Variants in IL1RAPL2 observed in about 807,000 individuals in gnomAD.
The protein encoded by IL1RAPL2 is X-linked interleukin-1 receptor accessory protein-like 2.
In IL1RAPL2, 3 loss-of-function variants were observed where a neutral mutation model predicts 44.1. That is an observed-to-expected ratio of 0.07 (90% CI 0.03 to 0.18). IL1RAPL2 has a LOEUF of 0.18. IL1RAPL2 is among the 10% of genes least tolerant of loss of function. The pLI is 1.00. For missense variants in IL1RAPL2, 391 were observed against 496.4 expected (o/e 0.79, Z 2.02); for synonymous variants, 181 against 178.8 (o/e 1.01, Z -0.10).
intron 5 of IL1RAPL2, among the ~76,000 whole-genome samples, chrX:105,410,065 G>A (rs1046057211): frequency 1.5e-4 from 16 of 110,297 alleles, no homozygotes; most frequent in South Asian, 3.9e-4. Flanking sequence ...TTAAGATAGC[G>A]GAAGACTTGA....
intron 2 of IL1RAPL2, among the ~76,000 whole-genome samples, chrX:105,162,448 A>T (rs1349275589): frequency 8.9e-6 from 1 of 112,386 alleles, no homozygotes; most frequent in South Asian, 3.7e-4. Context: ...CATGTTATGT[A>T]TAGTGGCCAC....
intron 2 of IL1RAPL2, 56 bp downstream of exon 2, chrX:104,659,051 C>T: frequency 2.4e-6 from 2 of 823,512 alleles, no homozygotes; most frequent in Non-Finnish European, 3.6e-6. Flanking sequence ...TTTGTGAGCA[C>T]CCAGAGGGCA....
chrX:105,228,783 G>C (rs1439495881), intron 3 of IL1RAPL2, among the ~76,000 whole-genome samples: 2 of 111,742 alleles, frequency 1.8e-5, no homozygotes, highest in Non-Finnish European at 3.8e-5. Flanking sequence ...GAGTATCCAG[G>C]GGCTAGCAGC....
intron 6 of IL1RAPL2, among the ~76,000 whole-genome samples, chrX:105,688,926 A>AT: frequency 9.0e-6 from 1 of 111,594 alleles, no homozygotes; most frequent in Non-Finnish European, 1.9e-5. Flanking sequence ...TCACACATCT[A>AT]TAACAATCTG....
intron 5 of IL1RAPL2, among the ~76,000 whole-genome samples, chrX:105,481,994 CATTT>C (rs1020301352): frequency 1.2e-4 from 13 of 112,201 alleles, no homozygotes; most frequent in Admixed American, 1.9e-4. Flanking sequence ...CATATACAAA[CATTT>C]ATATATGCAT....
intron 2 of IL1RAPL2, among the ~76,000 whole-genome samples, chrX:104,891,086 T>C (rs1353247130): frequency 8.9e-6 from 1 of 111,744 alleles, no homozygotes; most frequent in Non-Finnish European, 1.9e-5. Context: ...TTTTGTCAGG[T>C]TTGTCAAAGA....
At chrX:104,577,677 G>A (rs1462186587) in intron 1 of IL1RAPL2, among the ~76,000 whole-genome samples, 1 of 110,825 alleles carries the variant, frequency 9.0e-6, no homozygotes, top group Non-Finnish European at 1.9e-5. Context: ...AAGGGTGGTC[G>A]GGGTCTGTAT....
intron 1 of IL1RAPL2, among the ~76,000 whole-genome samples, chrX:104,613,106 T>G (rs1170633990): frequency 8.9e-6 from 1 of 112,404 alleles, no homozygotes; most frequent in Non-Finnish European, 1.9e-5. Context: ...TATAGAATTA[T>G]ATCATCCATG....
intron 2 of IL1RAPL2, among the ~76,000 whole-genome samples, chrX:104,850,409 T>G (rs1922195501): frequency 9.0e-6 from 1 of 111,461 alleles, no homozygotes; most frequent in African/African-American, 3.3e-5. Context: ...TAGAAAATGT[T>G]ATTATTTCTT....
At chrX:104,670,962 T>A (rs973766386) in intron 2 of IL1RAPL2, among the ~76,000 whole-genome samples, 15 of 111,389 alleles carry the variant, frequency 1.3e-4, no homozygotes, top group Non-Finnish European at 2.4e-4. Context: ...GAAATAAAAC[T>A]CCTTTGACTC....
At chrX:105,622,398 A>G (rs2037426224) in intron 6 of IL1RAPL2, among the ~76,000 whole-genome samples, 1 of 110,169 alleles carries the variant, frequency 9.1e-6, no homozygotes, top group Admixed American at 9.7e-5. Flanking sequence ...CTAAGTACAT[A>G]GGAGTTGTCA....
At chrX:105,403,010 A>G (rs1379392621) in intron 5 of IL1RAPL2, among the ~76,000 whole-genome samples, 1 of 111,959 alleles carries the variant, frequency 8.9e-6, no homozygotes, top group Non-Finnish European at 1.9e-5. Context: ...GAGAGACTTC[A>G]CCAATTAAAG....
At chrX:105,761,269 CTT>C (rs1234442099) in intron 10 of IL1RAPL2, among the ~76,000 whole-genome samples, 4 of 101,958 alleles carry the variant, frequency 3.9e-5, no homozygotes, top group Non-Finnish European at 4.0e-5. Flanking sequence ...ACACGGCTAA[CTT>C]AACATTATGT....
intron 1 of IL1RAPL2, among the ~76,000 whole-genome samples, chrX:104,574,041 A>G (rs1928198537): frequency 8.9e-6 from 1 of 111,849 alleles, no homozygotes; most frequent in Non-Finnish European, 1.9e-5. Context: ...TTGAAAATCT[A>G]TATAATTACA....
intron 2 of IL1RAPL2, among the ~76,000 whole-genome samples, chrX:104,739,593 G>T (rs1932069505): frequency 8.9e-6 from 1 of 111,786 alleles, no homozygotes; most frequent in African/African-American, 3.3e-5. Context: ...CATATGGATT[G>T]CTCCCCAGTG....
At chrX:105,259,279 G>A (rs1250115649) in intron 4 of IL1RAPL2, among the ~76,000 whole-genome samples, 1 of 111,746 alleles carries the variant, frequency 8.9e-6, no homozygotes, top group Non-Finnish European at 1.9e-5. Context: ...CTCTTGCTCA[G>A]TTGTGTGGCT....
intron 8 of IL1RAPL2, among the ~76,000 whole-genome samples, chrX:105,746,203 C>G (rs2038540582): frequency 9.0e-6 from 1 of 111,597 alleles, no homozygotes; most frequent in South Asian, 3.8e-4. Context: ...TCTTTGTGTT[C>G]ACAGTGAAGA....
rs7061125 is a variant in IL1RAPL2, at chrX:104,753,124, G to A, written c.82+94129G>A. On this transcript the variant is annotated intron_variant, in intron 2 of 10. Coordinates refer to ENST00000372582, the MANE Select transcript of IL1RAPL2 (RefSeq NM_017416.2). ...TTGAGTGTAAGTTTCTAAAAAGGAG[G>A]CCCCACAATATCTTTTTTTTTTTTT... Among the ~76,000 whole-genome samples, 901 of 97,885 alleles carry A rather than the reference G, an allele frequency of 9.2e-3. 13 individuals carry two copies. The highest frequency in any genetic ancestry group is 0.03 in the African/African-American group (843 of 28,471). The allele number at this position is 97,885 out of a possible 115,157, so 85.0% of individuals were successfully genotyped here. A position where few individuals can be genotyped will look rare whatever the true frequency, so the allele number is the denominator to read the frequency against.
intron 6 of IL1RAPL2, among the ~76,000 whole-genome samples, chrX:105,656,448 A>G (rs981122189): frequency 1.4e-4 from 16 of 111,742 alleles, no homozygotes; most frequent in Non-Finnish European, 3.0e-4. Context: ...CTACTATTCA[A>G]CAAGAAAGAA....
Sources: allele counts gnomAD v4.1 joint callset (sites outside exome capture counted in the v4.1 genomes callset), GRCh38; gene constraint gnomAD v4.1.1; transcripts MANE v1.5; gene names NCBI Gene and HGNC (gene_info 2026-07-23, HGNC 2026-07-21).